Variants in SEMA4C observed in about 807,000 individuals in gnomAD.
The protein encoded by SEMA4C is semaphorin 4C, also known as semaphorin-4C.
SEMA4C carries 19 observed loss-of-function variants against 89.0 expected under a neutral mutation model. The observed-to-expected ratio is 0.21, with a 90% CI of 0.15 to 0.31. SEMA4C has a LOEUF of 0.31. Among genes scored for constraint, SEMA4C ranks in the 10% least tolerant of loss-of-function variants. The pLI is 1.00. For missense variants in SEMA4C, 811 were observed against 1,107.0 expected (o/e 0.73, Z 3.79); for synonymous variants, 428 against 472.7 (o/e 0.91, Z 1.23).
chr2:96,861,891 G>C lies in SEMA4C; in HGVS notation c.1447C>G (p.Leu483Val). ...TGAGAGCGGGAGCCGGCAAAGAGCA[G>C]CTTCTGCGAGAAAAGCGGGGCGCAG... ...RSLVLSQSKKLLFAGSRSQLV... is the reference protein window; with the variant it reads ...RSLVLSQSKKVLFAGSRSQLV... Residue 483 changes from leucine to valine, a missense_variant, in exon 13 of 15, where the codon CTG (leucine) becomes GTG (valine). This residue lies in a region of SEMA4C where 441 missense variants were observed against 664.9 expected (regional missense o/e 0.66). Coordinates refer to ENST00000305476, the MANE Select transcript of SEMA4C (RefSeq NM_017789.5). This position sits in a 1 kb window ranked among gnomAD's most constrained non-coding sequence, Gnocchi z 7.8. 6.2e-7 allele frequency: 1 copy of C among 1,609,224 alleles called. No homozygotes were observed. Among genetic ancestry groups the C allele is most frequent in the Non-Finnish European group, 8.5e-7 (1 of 1,178,368 alleles).
At position 96,865,898 on chromosome 2, in the gene SEMA4C, GTCT is replaced by G; in HGVS notation, c.287_289del (p.Lys96del). ...GTTCTTCCCTTTCTGGATACACTCA[GTCT>G]TCTTCTCCACGGGGGCCTCCCAGGA... On this transcript the variant is annotated inframe_deletion, in exon 4 of 15. Transcript: ENST00000305476. 1.2e-6 allele frequency: 2 copies of G among 1,614,102 alleles called. No homozygotes were observed. Among genetic ancestry groups the G allele is most frequent in the Non-Finnish European group, 1.7e-6 (2 of 1,180,026 alleles).
intron 4 of SEMA4C, 36 bp from the exon 5 acceptor site, chr2:96,865,800 G>GAAA: frequency 6.2e-7 from 1 of 1,613,394 alleles, no homozygotes. Flanking sequence ...GTGAGAGCGC[G>GAAA]AGGGCCAGAA....
chr2:96,869,025 C>G, intron 1 of SEMA4C: 1 of 985,358 alleles, frequency 1.0e-6, no homozygotes, highest in Non-Finnish European at 1.2e-6. Flanking sequence ...TCCCCTCCCC[C>G]AGCTCCAGGG....
chr2:96,869,271 GAA>G (rs2080153558), intron 1 of SEMA4C: 1 of 985,278 alleles, frequency 1.0e-6, no homozygotes, highest in African/African-American at 1.7e-5. Context: ...CCAGGGCGAG[GAA>G]ACGGGCAGCC....
chr2:96,860,417 T>A lies in SEMA4C; in HGVS notation c.*209A>T, dbSNP rs2079914108. ...CTGTGATTCACAGAGAGGAGGAAGA[T>A]GCCTTCTGCGAGGCTGGTGCCCTGG... On this transcript the variant is annotated 3_prime_UTR_variant, in exon 15 of 15. Transcript: ENST00000305476. 3.7e-6 allele frequency: 2 copies of A among 536,918 alleles called. No individual in the cohort carries two copies. Among genetic ancestry groups the A allele is most frequent in the Non-Finnish European group, 6.5e-6 (2 of 306,846 alleles). 33.3% of individuals were successfully genotyped at this position (536,918 alleles called of 1,614,324 possible). A position where few individuals can be genotyped will look rare whatever the true frequency, so the allele number is the denominator to read the frequency against.
In SEMA4C at chr2:96,867,934, A is replaced by G. The variant is rs1449755235; in HGVS notation, c.-37-11T>C. On this transcript the variant is annotated splice_polypyrimidine_tract_variant and intron_variant, in intron 1 of 14. Coordinates refer to ENST00000305476, the MANE Select transcript of SEMA4C (RefSeq NM_017789.5). Reference sequence around the variant, plus strand: ...TTCAGGCCAGCTGTCCTGCTGAGGGAAAAGACATGGTCAGAAATCACAGCC... The same window carrying G: ...TTCAGGCCAGCTGTCCTGCTGAGGGGAAAGACATGGTCAGAAATCACAGCC... 1 of 1,612,620 alleles carries G rather than the reference A, an allele frequency of 6.2e-7. No individual in the cohort carries two copies. The highest frequency in any genetic ancestry group is 8.5e-7 in the Non-Finnish European group (1 of 1,179,836).
chr2:96,868,741 C>CG (rs547399851), intron 1 of SEMA4C: 3 of 550,322 alleles, frequency 5.5e-6, no homozygotes, highest in Non-Finnish European at 4.4e-6. Context: ...GCGCAGGCGA[C>CG]GGGGGGAGGT....
intron 1 of SEMA4C, chr2:96,868,276 C>G: frequency 2.1e-6 from 1 of 471,810 alleles, no homozygotes. Context: ...GTTTGAGTTT[C>G]TTGAAAGAAC....
In SEMA4C at chr2:96,865,816, G is replaced by C. The variant is rs577212897; in HGVS notation, c.321+51C>G. 2.5e-4 allele frequency: 411 copies of C among 1,613,452 alleles called. 6 individuals carry two copies. The South Asian group carries it at 3.5e-3, about 14-fold the overall frequency. On this transcript the variant is annotated intron_variant, in intron 4 of 14. Coordinates refer to ENST00000305476, the MANE Select transcript of SEMA4C (RefSeq NM_017789.5). ...TGAGAGCGCGAGGGCCAGAATGGGA[G>C]GAGACGTCCTGGGGTGAAGGCAGCA... is the stretch of plus-strand genomic sequence containing the variant.
chr2:96,865,188 C>T lies in SEMA4C; in HGVS notation c.634+16G>A, dbSNP rs2080041502. On this transcript the variant is annotated intron_variant, in intron 7 of 14. Coordinates refer to ENST00000305476, the MANE Select transcript of SEMA4C (RefSeq NM_017789.5). The stretch of plus-strand genomic sequence containing the variant: ...ACCTCCCACCCATGGCTCCCACAGG[C>T]CCCCCGGTGGCTCACCGTTGAGCCA... 2.5e-6 allele frequency: 4 copies of T among 1,611,266 alleles called. No individual in the cohort carries two copies. The highest frequency in any genetic ancestry group is 2.2e-5 in the East Asian group (1 of 44,752).
At chr2:96,869,398 C>G (rs929738360) in intron 1 of SEMA4C, 1 of 982,802 alleles carries the variant, frequency 1.0e-6, no homozygotes. Context: ...AGCGCTCCAG[C>G]CGGGGACGGC....
rs140515342 is a variant in SEMA4C, at chr2:96,861,235, C to T, written c.1893G>A (p.Glu631=). Residue 631 remains glutamate (E), a synonymous_variant, in exon 15 of 15, where the codon GAG becomes GAA. Transcript: ENST00000305476. This position sits in a 1 kb window ranked among gnomAD's most constrained non-coding sequence, Gnocchi z 7.8. ...HAGAYHCFSE[E]QGARLAAEGY... ...CTTCAGCAGCCAGCCGCGCCCCCTGCTCCTCTGAAAAGCAGTGGTAGGCCC... is the reference window on the plus strand; with the variant it reads ...CTTCAGCAGCCAGCCGCGCCCCCTGTTCCTCTGAAAAGCAGTGGTAGGCCC... 4.3e-6 allele frequency: 7 copies of T among 1,610,446 alleles called. No individual in the cohort carries two copies. In the African/African-American group the frequency reaches 9.3e-5, roughly 21 times the overall value.
rs376398478 is a variant in SEMA4C at position 96,868,505 on chromosome 2, T to C, written c.-37-582A>G. 248 of 987,874 alleles carry C rather than the reference T, an allele frequency of 2.5e-4. 4 individuals are homozygous for C. The South Asian group carries it at 0.01, about 40-fold the overall frequency. 61.2% of individuals were successfully genotyped at this position (987,874 alleles called of 1,614,324 possible). A position where few individuals can be genotyped will look rare whatever the true frequency, so the allele number is the denominator to read the frequency against. On this transcript the variant is annotated intron_variant, in intron 1 of 14. Coordinates refer to ENST00000305476, the MANE Select transcript of SEMA4C (RefSeq NM_017789.5). Reference sequence around the variant, plus strand: ...TAGCCCTGCAGAACCCCAAACCCCGTTCCACATCAGCAGGGCAGGAGTGTG... The same window carrying C: ...TAGCCCTGCAGAACCCCAAACCCCGCTCCACATCAGCAGGGCAGGAGTGTG...
Position 96,864,872 on chromosome 2 carries a change from C to G in SEMA4C, c.795G>C (p.Met265Ile). Residue 265 changes from methionine (M) to isoleucine (I), a missense_variant, in exon 9 of 15, where the codon ATG (methionine) becomes ATC (isoleucine). By Grantham distance (10) the Met-to-Ile change is conservative (BLOSUM62 1). This residue lies in a region of SEMA4C where 441 missense variants were observed against 664.9 expected (regional missense o/e 0.66). Coordinates refer to ENST00000305476, the MANE Select transcript of SEMA4C (RefSeq NM_017789.5). This position sits in a 1 kb window ranked among gnomAD's most constrained non-coding sequence, Gnocchi z 6.3. ...ARVARVCKGD[M>I]GGARTLQRKW... ...TCCTCTGCAGGGTCCGTGCGCCCCC[C>G]ATATCGCCCTGGCAGACGGCAAGGG... 1 of 1,613,074 alleles carries G rather than the reference C, an allele frequency of 6.2e-7. No individual in the cohort carries two copies. Among genetic ancestry groups the G allele is most frequent in the Non-Finnish European group, 8.5e-7 (1 of 1,179,618 alleles).
chr2:96,860,225 G>A lies in SEMA4C; in HGVS notation c.*401C>T, dbSNP rs116107173. 447 of 190,668 alleles carry A rather than the reference G, an allele frequency of 2.3e-3. 6 individuals carry two copies. The highest frequency in any genetic ancestry group is 0.022 in the Middle Eastern group (11 of 492). 11.8% of individuals were successfully genotyped at this position (190,668 alleles called of 1,614,324 possible). A position where few individuals can be genotyped will look rare whatever the true frequency, so the allele number is the denominator to read the frequency against. On this transcript the variant is annotated 3_prime_UTR_variant, in exon 15 of 15. Coordinates refer to ENST00000305476, the MANE Select transcript of SEMA4C (RefSeq NM_017789.5). Reference sequence around the variant, plus strand: ...CATAGCTCCAATGACTCACCAGGAGGACCCAGGCCAAGGGAAGACTTGACA... The same window carrying A: ...CATAGCTCCAATGACTCACCAGGAGAACCCAGGCCAAGGGAAGACTTGACA...
chr2:96,869,756 G>T, intron 1 of SEMA4C, 120 bp downstream of exon 1: 1 of 985,388 alleles, frequency 1.0e-6, no homozygotes, highest in Non-Finnish European at 1.2e-6. Context: ...CGCCGCCGCG[G>T]CTCCCCGCGC....
rs755656461 is a variant in SEMA4C at position 96,861,430 on chromosome 2, C to T, written c.1698G>A (p.Thr566=). Residue 566 remains threonine (T), a synonymous_variant, in exon 15 of 15, where the codon ACG becomes ACA. Transcript: ENST00000305476. The surrounding 1 kb of genome is among the most constrained non-coding windows in gnomAD (Gnocchi z 7.8). ...GCACCAGGTCTGTGCCCGCCACCAC[C>T]GTGATGTTTTTGGGAGTGGGCCTGA... ...KKVRPTPKNI[T]VVAGTDLVLP... The T allele has an allele frequency of 1.6e-5, 26 of 1,612,288 alleles. No homozygotes were observed. The highest frequency in any genetic ancestry group is 9.3e-5 in the African/African-American group (7 of 74,920).
chr2:96,861,740 G>C lies in SEMA4C; in HGVS notation c.1598C>G (p.Ser533Cys), dbSNP rs1461767920. ...GCCTATGTAGAGCCCAACTCACCCA[G>C]AGTGGCCACCCACGGCCACACAGCG... ...TSRCVAVGGHSGSLLIQHVMT... is the reference protein window; with the variant it reads ...TSRCVAVGGHCGSLLIQHVMT... The change falls in exon 13 of 15, where the codon TCT (serine) becomes TGT (cysteine). Residue 533 changes from serine (S) to cysteine (C), a missense_variant. Physicochemically the swap from Ser to Cys is moderately radical, Grantham distance 112 (BLOSUM62 -1). Transcript: ENST00000305476. This position sits in a 1 kb window ranked among gnomAD's most constrained non-coding sequence, Gnocchi z 7.8. 1 of 1,613,654 alleles carries C rather than the reference G, an allele frequency of 6.2e-7. No homozygotes were observed. The highest frequency in any genetic ancestry group is 8.5e-7 in the Non-Finnish European group (1 of 1,179,946).
At chr2:96,865,165 C>T in intron 7 of SEMA4C, 39 bp downstream of exon 7, 1 of 1,607,042 alleles carries the variant, frequency 6.2e-7, no homozygotes, top group South Asian at 1.1e-5. Context: ...CCCGGGGGAC[C>T]TCCCACCCAT....
Sources: gnomAD v4.1 joint callset for allele counts on GRCh38, gnomAD v4.1.1 for gene constraint, gnomAD v4.1.1 regional missense constraint, Gnocchi (gnomAD v3.1) non-coding constraint, MANE v1.5 for transcripts, NCBI Gene and HGNC (gene_info 2026-07-23, HGNC 2026-07-21) for gene names.